The following IQSEC1 variants were observed in gnomAD, a reference collection of about 807,000 sequenced individuals.
IQSEC1 encodes IQ motif and Sec7 domain ArfGEF 1.
IQSEC1 carries 31 observed loss-of-function variants against 91.0 expected under a neutral mutation model. The observed-to-expected ratio is 0.34, with a 90% CI of 0.26 to 0.46. The LOEUF (loss-of-function observed/expected upper bound fraction) is 0.46. IQSEC1 is among the 20% of genes least tolerant of loss of function. The pLI, the probability that IQSEC1 is intolerant of heterozygous loss-of-function variation, is 1.00. For synonymous variants in IQSEC1, 699 were observed against 662.6 expected (o/e 1.05, Z -0.84); for missense variants, 1,388 against 1,575.6 (o/e 0.88, Z 2.02).
At chr3:13,237,683 T>C (rs1294429524) in intron 1 of IQSEC1, among the ~76,000 whole-genome samples, 1 of 152,230 alleles carries the variant, frequency 6.6e-6, no homozygotes, top group Non-Finnish European at 1.5e-5. Flanking sequence ...CCCTTGGAGA[T>C]GGTGCACTTG....
chr3:13,067,415 G>A (rs1705271643), intron 1 of IQSEC1, among the ~76,000 whole-genome samples: 1 of 152,216 alleles, frequency 6.6e-6, no homozygotes, highest in African/African-American at 2.4e-5. Flanking sequence ...GGCATTGGGT[G>A]GGGGGCTCCC....
chr3:13,022,242 GCCC>G, intron 1 of IQSEC1: 1 of 1,226,492 alleles, frequency 8.2e-7, no homozygotes, highest in Admixed American at 4.2e-5. Context: ...AGAAAGAAAA[GCCC>G]CCAAAGTTAG....
At chr3:13,198,919 A>G (rs1220915864) in intron 1 of IQSEC1, among the ~76,000 whole-genome samples, 2 of 152,246 alleles carry the variant, frequency 1.3e-5, no homozygotes, top group Non-Finnish European at 2.9e-5. Context: ...AGAAATGCCC[A>G]GGACGGAATA....
At chr3:12,960,596 G>A (rs1317542716) in intron 1 of IQSEC1, 1 of 152,174 alleles carries the variant, frequency 6.6e-6, no homozygotes, top group African/African-American at 2.4e-5. Context: ...ATTCTGCAGA[G>A]CTTGAATTCG....
intron 2 of IQSEC1, among the ~76,000 whole-genome samples, chr3:12,941,339 G>A (rs528855863): frequency 2.6e-5 from 4 of 152,054 alleles, no homozygotes; most frequent in East Asian, 1.9e-4. Flanking sequence ...CAGAAGGAAC[G>A]CCAGACAACC....
chr3:12,991,910 G>C (rs866086320), intron 1 of IQSEC1, among the ~76,000 whole-genome samples: 1 of 152,186 alleles, frequency 6.6e-6, no homozygotes, highest in Non-Finnish European at 1.5e-5. Flanking sequence ...TCAGAGCAGC[G>C]GCTGGAAGGG....
intron 2 of IQSEC1, among the ~76,000 whole-genome samples, chr3:13,110,177 C>G (rs979845606): frequency 6.6e-6 from 1 of 152,040 alleles, no homozygotes; most frequent in East Asian, 1.9e-4. Flanking sequence ...CCACGGTACC[C>G]GGCTGGATTA....
chr3:13,145,260 A>C (rs1226594138), intron 2 of IQSEC1, among the ~76,000 whole-genome samples: 1 of 152,178 alleles, frequency 6.6e-6, no homozygotes, highest in African/African-American at 2.4e-5. Flanking sequence ...TAATGATGAC[A>C]TGAAAGACAT....
intron 1 of IQSEC1, among the ~76,000 whole-genome samples, chr3:12,947,737 C>T (rs1007549098): frequency 6.6e-6 from 1 of 152,208 alleles, no homozygotes; most frequent in Admixed American, 6.5e-5. Flanking sequence ...CCACACTCTG[C>T]CCCAGAGCCC....
At position 12,901,379 on chromosome 3, in the gene IQSEC1, C is replaced by G. The variant is rs752070965; in HGVS notation, c.2949G>C (p.Gln983His). The change falls in exon 14 of 14, where the codon CAG becomes CAC. Residue 983 changes from glutamine (Q) to histidine (H), a missense_variant. Around this residue, in one of 2 missense-constraint regions of IQSEC1, gnomAD observed 329 missense variants for 257.8 expected, o/e 1.28. Transcript: ENST00000613206. ...FGSKRGKPPP[Q>H]AHLPSAPALP... ...GGGCTGGGGCTGAGGGCAGGTGGGCCTGGGGAGGGGGCTTCCCTCTCTTGC... is the reference window on the plus strand; with the variant it reads ...GGGCTGGGGCTGAGGGCAGGTGGGCGTGGGGAGGGGGCTTCCCTCTCTTGC... 1 of 1,540,136 alleles carries G rather than the reference C, an allele frequency of 6.5e-7. No individual in the cohort carries two copies. The highest frequency in any genetic ancestry group is 1.2e-5 in the South Asian group (1 of 83,900).
rs2125067214 is a variant in IQSEC1, at chr3:13,214,999, T to C, written c.273-50866A>G. Among the ~76,000 whole-genome samples, 1 of 152,156 alleles carries C rather than the reference T, an allele frequency of 6.6e-6. No homozygotes were observed. The highest frequency in any genetic ancestry group is 2.1e-4 in the South Asian group (1 of 4,818). On this transcript the variant is annotated intron_variant, in intron 1 of 15. Transcript: ENST00000648114. The surrounding 1 kb of genome is among the most constrained non-coding windows in gnomAD (Gnocchi z 4.5). ...ACCTAGACTAGGCCCTCAGACATGG[T>C]TCAGGGCTGGCAGGATGAGTAAGTG...
chr3:13,187,807 C>T (rs1208974401), intron 1 of IQSEC1, among the ~76,000 whole-genome samples: 2 of 152,182 alleles, frequency 1.3e-5, no homozygotes, highest in Admixed American at 1.3e-4. Flanking sequence ...GGCTCGGTGT[C>T]TGCTGAGGAC....
At chr3:13,018,260 A>G (rs58588244) in intron 1 of IQSEC1, among the ~76,000 whole-genome samples, 8,339 of 152,286 alleles carry the variant, frequency 0.055, 739 homozygotes, top group African/African-American at 0.19. Context: ...CTAATTGTCC[A>G]GGAAGCTCCC....
upstream of IQSEC1, among the ~76,000 whole-genome samples, chr3:13,073,468 C>T (rs919713378): frequency 1.3e-5 from 2 of 152,298 alleles, no homozygotes; most frequent in Admixed American, 1.3e-4. Context: ...CCCCACCCCC[C>T]GCGCCCAAGG....
chr3:13,054,486 G>A (rs1704805597), intron 1 of IQSEC1, among the ~76,000 whole-genome samples: 1 of 152,250 alleles, frequency 6.6e-6, no homozygotes, highest in Admixed American at 6.5e-5. Context: ...CCACAGCCGA[G>A]CTATGAACTG....
intron 1 of IQSEC1, among the ~76,000 whole-genome samples, chr3:13,195,767 G>T (rs994359904): frequency 6.6e-6 from 1 of 152,172 alleles, no homozygotes; most frequent in Non-Finnish European, 1.5e-5. Flanking sequence ...GCATCTTGAC[G>T]GTGGTGGTGG....
At position 13,156,218 on chromosome 3, in the gene IQSEC1, C is replaced by T. The variant is rs539354139; in HGVS notation, c.302+7886G>A. 5.3e-5 allele frequency among the ~76,000 whole-genome samples: 8 copies of T among 151,640 alleles called. No homozygotes were observed. The East Asian group carries it at 5.8e-4, about 11-fold the overall frequency. ...CTGCACTCTAGCCTAGGTGATAGAG[C>T]GAGACTCCGTCCCAAAAAAATAAAA... On this transcript the variant is annotated intron_variant, in intron 2 of 15. Coordinates refer to the IQSEC1 transcript ENST00000648114.
intron 1 of IQSEC1, among the ~76,000 whole-genome samples, chr3:13,244,614 G>A (rs982564543): frequency 6.6e-6 from 1 of 152,166 alleles, no homozygotes. Context: ...GCCTCTGACT[G>A]CAGTTGTGAC....
chr3:13,042,394 G>A (rs991457993), intron 1 of IQSEC1: 12 of 152,246 alleles, frequency 7.9e-5, no homozygotes, highest in African/African-American at 2.9e-4. Context: ...CTGGACCACG[G>A]TAACGTCTCC....
Sources: gnomAD v4.1 joint callset for allele counts (sites outside exome capture counted in the v4.1 genomes callset) on GRCh38, gnomAD v4.1.1 for gene constraint, gnomAD v4.1.1 regional missense constraint, Gnocchi (gnomAD v3.1) non-coding constraint, MANE v1.5 for transcripts, NCBI Gene and HGNC (gene_info 2026-07-23, HGNC 2026-07-21) for gene names.